Variants in EEF2K observed in about 807,000 individuals in gnomAD.
EEF2K encodes alternative protein EEF2K.
In EEF2K, 70 loss-of-function variants were observed where a neutral mutation model predicts 93.8. The ratio of observed to expected loss-of-function variants is 0.75; its 90% CI spans 0.62 to 0.91. The LOEUF (loss-of-function observed/expected upper bound fraction) is 0.91, where lower values mean the gene tolerates loss of function less well. Ranked by LOEUF, EEF2K falls within the 40% of genes least tolerant of loss-of-function variation. The pLI is 0.00. For synonymous variants in EEF2K, 376 were observed against 380.8 expected (o/e 0.99, Z 0.15); for missense variants, 935 against 972.9 (o/e 0.96, Z 0.52).
At chr16:22,236,548 A>T (rs1033844801) in intron 2 of EEF2K, among the ~76,000 whole-genome samples, 1 of 152,064 alleles carries the variant, frequency 6.6e-6, no homozygotes, top group Non-Finnish European at 1.5e-5. Flanking sequence ...ATGATTTTAT[A>T]ACATGAAGTG....
chr16:22,256,713 G>A (rs180704155), intron 6 of EEF2K, 35 bp from the exon 7 acceptor site: 1 of 1,604,788 alleles, frequency 6.2e-7, no homozygotes, highest in Admixed American at 1.7e-5. Flanking sequence ...GTGCGCCTGG[G>A]CCCTCCCGCC....
chr16:22,266,359 C>T, intron 13 of EEF2K, 31 bp from the exon 14 acceptor site: 1 of 1,599,040 alleles, frequency 6.3e-7, no homozygotes. Flanking sequence ...CCCCCAGCCC[C>T]TCGCTTCCCT....
At chr16:22,226,652 A>G (rs1188134776) in intron 2 of EEF2K, among the ~76,000 whole-genome samples, 2 of 151,548 alleles carry the variant, frequency 1.3e-5, no homozygotes, top group African/African-American at 2.4e-5. Flanking sequence ...AGTAGCTAAG[A>G]TTATAGGCTT....
At chr16:22,225,139 G>C (rs1289353400) in intron 1 of EEF2K, among the ~76,000 whole-genome samples, 2 of 152,082 alleles carry the variant, frequency 1.3e-5, no homozygotes, top group African/African-American at 4.8e-5. Flanking sequence ...GGTTGTTCCA[G>C]GCACAAGGAA....
In EEF2K at chr16:22,257,654, A is replaced by T; in HGVS notation, c.913A>T (p.Met305Leu). 1 of 1,613,450 alleles carries T rather than the reference A, an allele frequency of 6.2e-7. No individual in the cohort carries two copies. Among genetic ancestry groups the T allele is most frequent in the Non-Finnish European group, 8.5e-7 (1 of 1,180,024 alleles). The change falls in exon 9 of 18, where the codon ATG (methionine) becomes TTG (leucine). Residue 305 changes from methionine to leucine, a missense_variant. By Grantham distance (15) the Met-to-Leu change is conservative (BLOSUM62 2). Coordinates refer to ENST00000263026, the MANE Select transcript of EEF2K (RefSeq NM_013302.5). ...CGCTCTGTCCACAGGTGTCCGCGGGATGGCGCTCTTCTTCTACTCTCATGC... is the reference window on the plus strand; with the variant it reads ...CGCTCTGTCCACAGGTGTCCGCGGGTTGGCGCTCTTCTTCTACTCTCATGC... Reference protein sequence around the residue: ...FGDGNLGVRGMALFFYSHACN... With the variant: ...FGDGNLGVRGLALFFYSHACN...
intron 13 of EEF2K, chr16:22,265,395 T>C (rs2047507247): frequency 6.5e-6 from 1 of 152,802 alleles, no homozygotes; most frequent in African/African-American, 2.4e-5. Context: ...TTGGAGCCTT[T>C]ACTAAGGCAA....
At chr16:22,272,016 A>G (rs1291387271) in intron 15 of EEF2K, among the ~76,000 whole-genome samples, 1 of 152,246 alleles carries the variant, frequency 6.6e-6, no homozygotes, top group East Asian at 1.9e-4. Context: ...ACTCGTCACA[A>G]TAGAATAGCT....
At chr16:22,212,590 G>A (rs1265573531) in intron 1 of EEF2K, among the ~76,000 whole-genome samples, 2 of 152,194 alleles carry the variant, frequency 1.3e-5, no homozygotes, top group Admixed American at 6.5e-5. Flanking sequence ...AAAGTGCTGG[G>A]ATTACAGTCG....
chr16:22,252,993 A>G (rs574854740), intron 6 of EEF2K, among the ~76,000 whole-genome samples: 26 of 152,140 alleles, frequency 1.7e-4, no homozygotes, highest in Non-Finnish European at 3.4e-4. Context: ...ACAATTCAAG[A>G]TGAGCTTTGA....
intron 12 of EEF2K, among the ~76,000 whole-genome samples, chr16:22,264,397 G>A (rs1043242117): frequency 6.6e-6 from 1 of 152,012 alleles, no homozygotes; most frequent in Non-Finnish European, 1.5e-5. Context: ...TTGAACCTGG[G>A]GAGTTGGAGG....
intron 2 of EEF2K, among the ~76,000 whole-genome samples, chr16:22,227,157 C>G (rs1454690112): frequency 1.3e-5 from 2 of 152,174 alleles, no homozygotes; most frequent in East Asian, 3.9e-4. Context: ...TGAGATTGCA[C>G]CACTGCACTC....
At chr16:22,231,998 C>CA (rs35198909) in intron 2 of EEF2K, among the ~76,000 whole-genome samples, 8,586 of 66,260 alleles carry the variant, frequency 0.13, 497 homozygotes, top group African/African-American at 0.19. Context: ...CTTAAACAAA[C>CA]AAAAAAAAAA....
intron 1 of EEF2K, among the ~76,000 whole-genome samples, chr16:22,213,268 A>G (rs2046931897): frequency 1.3e-5 from 2 of 152,244 alleles, no homozygotes; most frequent in South Asian, 4.1e-4. Context: ...CGACAGAGTG[A>G]GACTCCATCT....
At chr16:22,253,417 T>C (rs2141671438) in intron 6 of EEF2K, among the ~76,000 whole-genome samples, 1 of 152,284 alleles carries the variant, frequency 6.6e-6, no homozygotes, top group East Asian at 1.9e-4. Context: ...GGGCTGTGGC[T>C]TCCTCTGCAA....
chr16:22,241,500 C>T (rs1160306720), intron 2 of EEF2K, among the ~76,000 whole-genome samples: 1 of 151,584 alleles, frequency 6.6e-6, no homozygotes, highest in Non-Finnish European at 1.5e-5. Context: ...CAAAAATTAG[C>T]CAGGCATGTT....
rs57073413 is a variant in EEF2K at position 22,247,037 on chromosome 16, C to CAAAA, written c.348-1691_348-1688dup. 3.2e-3 allele frequency among the ~76,000 whole-genome samples: 44 copies of CAAAA among 13,698 alleles called. 4 individuals carry two copies. Among genetic ancestry groups the CAAAA allele is most frequent in the East Asian group, 0.011 (6 of 550 alleles). 9.0% of individuals were successfully genotyped at this position (13,698 alleles called of 152,430 possible). A position where few individuals can be genotyped will look rare whatever the true frequency, so the allele number is the denominator to read the frequency against. Reference sequence around the variant, plus strand: ...TGGGTGACAGAGCGAGACTCCATCTCAAAAAAAAAAAAAAAAAAAAAAAAA... The same window carrying CAAAA: ...TGGGTGACAGAGCGAGACTCCATCTCAAAAAAAAAAAAAAAAAAAAAAAAAAAAA... On this transcript the variant is annotated intron_variant, in intron 3 of 17. Transcript: ENST00000263026.
chr16:22,262,239 C>T lies in EEF2K; in HGVS notation c.1300-871C>T, dbSNP rs557272432. On this transcript the variant is annotated intron_variant, in intron 11 of 17. Coordinates refer to ENST00000263026, the MANE Select transcript of EEF2K (RefSeq NM_013302.5). ...AAAATATGCCCAACTAGGCCAGGCA[C>T]GGTGGCTCACGCCTGTAATCCCAAC... Among the ~76,000 whole-genome samples the T allele has an allele frequency of 2.6e-4, 39 of 151,914 alleles. No individual in the cohort carries two copies. In the South Asian group the frequency reaches 2.9e-3, roughly 11 times the overall value.
chr16:22,269,395 C>T (rs951614417), intron 15 of EEF2K, among the ~76,000 whole-genome samples: 5 of 151,894 alleles, frequency 3.3e-5, no homozygotes, highest in Non-Finnish European at 7.4e-5. Context: ...TCCAGTGTGA[C>T]CTCATCTTAA....
intron 3 of EEF2K, among the ~76,000 whole-genome samples, chr16:22,247,883 GTTAC>G (rs913372068): frequency 1.4e-4 from 22 of 152,022 alleles, no homozygotes; most frequent in African/African-American, 5.3e-4. Flanking sequence ...GTGTGCGGCT[GTTAC>G]TTCTCGGGAG....
Sources: allele counts gnomAD v4.1 joint callset (sites outside exome capture counted in the v4.1 genomes callset), GRCh38; gene constraint gnomAD v4.1.1; transcripts MANE v1.5; gene names NCBI Gene and HGNC (gene_info 2026-07-23, HGNC 2026-07-21).